The following RPN2 variants were observed in gnomAD, a reference collection of about 807,000 sequenced individuals.
RPN2 encodes the protein ribophorin II.
RPN2 carries 29 observed loss-of-function variants against 71.4 expected under a neutral mutation model. The ratio of observed to expected loss-of-function variants is 0.41; its 90% CI spans 0.30 to 0.55. The LOEUF (loss-of-function observed/expected upper bound fraction) is 0.55. Ranked by LOEUF, RPN2 falls within the 20% of genes least tolerant of loss-of-function variation. The pLI is 0.35. For missense variants in RPN2, 726 were observed against 774.1 expected (o/e 0.94, Z 0.74); for synonymous variants, 308 against 305.0 (o/e 1.01, Z -0.10).
At chr20:37,239,491 C>T (rs544784724) in intron 16 of RPN2, among the ~76,000 whole-genome samples, 4 of 152,316 alleles carry the variant, frequency 2.6e-5, no homozygotes, top group South Asian at 4.1e-4. Flanking sequence ...GAGAGATCAA[C>T]AAAAGCATAG....
chr20:37,196,291 C>T (rs1215375150), intron 2 of RPN2, among the ~76,000 whole-genome samples: 2 of 152,008 alleles, frequency 1.3e-5, no homozygotes, highest in Admixed American at 6.5e-5. Context: ...TGCAGTGGCA[C>T]GATCTTGGCT....
intron 11 of RPN2, among the ~76,000 whole-genome samples, 164 bp from the exon 12 acceptor site, chr20:37,228,386 G>A (rs993125044): frequency 1.3e-5 from 2 of 152,150 alleles, no homozygotes; most frequent in African/African-American, 2.4e-5. Context: ...GGGAACTAGG[G>A]TGGCATGGCC....
intron 9 of RPN2, among the ~76,000 whole-genome samples, chr20:37,214,068 ATTTTC>A (rs778542156): frequency 5.0e-4 from 76 of 152,230 alleles, no homozygotes; most frequent in Non-Finnish European, 9.0e-4. Flanking sequence ...GTCATAGTGA[ATTTTC>A]TTTTATTTGT....
At chr20:37,210,288 T>C in intron 8 of RPN2, 123 bp downstream of exon 8, 1 of 1,539,456 alleles carries the variant, frequency 6.5e-7, no homozygotes, top group Non-Finnish European at 8.8e-7. Context: ...ATCGAAAGCC[T>C]ACAGTCGAAT....
chr20:37,220,311 T>G (rs1027093119), intron 9 of RPN2, among the ~76,000 whole-genome samples: 1 of 152,156 alleles, frequency 6.6e-6, no homozygotes, highest in Non-Finnish European at 1.5e-5. Flanking sequence ...GGTCATTGGG[T>G]CCTGTTTGTC....
In RPN2 at chr20:37,191,374, G is replaced by GAA. The variant is rs1482126671; in HGVS notation, c.207+7001_207+7002insAA. Among the ~76,000 whole-genome samples the GAA allele has an allele frequency of 3.4e-5, 5 of 148,840 alleles. No individual in the cohort carries two copies. The East Asian group carries it at 1.0e-3, about 30-fold the overall frequency. ...GCCTGTAATCCCAGCTACTCGGGAGGCCGAGGCAGGAGAATTGCTTGAACC... is the reference window on the plus strand; with the variant it reads ...GCCTGTAATCCCAGCTACTCGGGAGGAACCGAGGCAGGAGAATTGCTTGAACC... On this transcript the variant is annotated intron_variant, in intron 2 of 16. Coordinates refer to ENST00000237530, the MANE Select transcript of RPN2 (RefSeq NM_002951.5).
At chr20:37,194,835 CA>C (rs2067221376) in intron 2 of RPN2, among the ~76,000 whole-genome samples, 1 of 152,084 alleles carries the variant, frequency 6.6e-6, no homozygotes, top group South Asian at 2.1e-4. Context: ...CAGCACATCA[CA>C]GTAACAAAGT....
At chr20:37,203,812 T>A in intron 4 of RPN2, 73 bp from the exon 5 acceptor site, 1 of 1,039,400 alleles carries the variant, frequency 9.6e-7, no homozygotes, top group Non-Finnish European at 1.5e-6. Flanking sequence ...TGTGAAAGTG[T>A]CCAAGTACGG....
At chr20:37,218,340 GA>G (rs142195690) in intron 9 of RPN2, among the ~76,000 whole-genome samples, 2 of 151,806 alleles carry the variant, frequency 1.3e-5, no homozygotes, top group African/African-American at 2.4e-5. Flanking sequence ...TTGAGCCCAG[GA>G]GTTTGAGGCT....
At chr20:37,230,263 CAG>C (rs1234037043) in intron 13 of RPN2, among the ~76,000 whole-genome samples, 1 of 152,232 alleles carries the variant, frequency 6.6e-6, no homozygotes, top group Non-Finnish European at 1.5e-5. Context: ...CCCCAGAAAG[CAG>C]AGAGTTGAAG....
chr20:37,200,633 C>G (rs1258233557), intron 4 of RPN2: 1 of 393,510 alleles, frequency 2.5e-6, no homozygotes, highest in Non-Finnish European at 5.3e-6. Context: ...AGGCAATTGA[C>G]ATTCCCTCTC....
At chr20:37,220,809 T>C (rs1366808326) in intron 9 of RPN2, among the ~76,000 whole-genome samples, 1 of 152,228 alleles carries the variant, frequency 6.6e-6, no homozygotes, top group Non-Finnish European at 1.5e-5. Context: ...ATGCTTTGCT[T>C]TTGAGTGTTT....
At position 37,184,250 on chromosome 20, in the gene RPN2, C is replaced by T. The variant is rs749717040; in HGVS notation, c.84C>T (p.Tyr28=). ...ASTWALTPTH[Y]LTKHDVERLK... ...CCTGGGCTCTGACGCCCACTCACTACCTCACCAAGCATGACGTGGAGAGAC... is the reference window on the plus strand; with the variant it reads ...CCTGGGCTCTGACGCCCACTCACTATCTCACCAAGCATGACGTGGAGAGAC... The change falls in exon 2 of 17, where the codon TAC becomes TAT. Residue 28 remains tyrosine, a synonymous_variant. Coordinates refer to ENST00000237530, the MANE Select transcript of RPN2 (RefSeq NM_002951.5). 22 of 1,614,200 alleles carry T rather than the reference C, an allele frequency of 1.4e-5. No homozygotes were observed. Among genetic ancestry groups the T allele is most frequent in the Non-Finnish European group, 1.9e-5 (22 of 1,180,038 alleles).
At chr20:37,213,108 C>T (rs1483037671) in intron 8 of RPN2, among the ~76,000 whole-genome samples, 1 of 152,116 alleles carries the variant, frequency 6.6e-6, no homozygotes, top group Non-Finnish European at 1.5e-5. Flanking sequence ...TACTATCGTA[C>T]ACCAACCTCT....
chr20:37,182,295 T>C (rs1016823364), intron 1 of RPN2, among the ~76,000 whole-genome samples: 5 of 152,012 alleles, frequency 3.3e-5, no homozygotes, highest in Non-Finnish European at 7.4e-5. Context: ...GGTTTCACCA[T>C]GTTGGCCAGG....
rs1206571319 is a variant in RPN2, at chr20:37,179,335, C to G, written c.-22C>G. On this transcript the variant is annotated 5_prime_UTR_variant, in exon 1 of 17. Coordinates refer to ENST00000237530, the MANE Select transcript of RPN2 (RefSeq NM_002951.5). ...CGGAAGTCAGCCCGCGGCTCGGACT[C>G]CGGCGGGACCTGCTCGGAGGAATGG... The G allele has an allele frequency of 6.5e-7, 1 of 1,534,798 alleles. No homozygotes were observed. Among genetic ancestry groups the G allele is most frequent in the African/African-American group, 1.4e-5 (1 of 72,932 alleles).
rs571010809 is a variant in RPN2 at position 37,184,069 on chromosome 20, C to T, written c.14-111C>T. ...CTCAGGTTAAACCCCTGGATTCCCT[C>T]GCCCTTCCCCATGTGATTTGGTTCC... is the stretch of plus-strand genomic sequence containing the variant. On this transcript the variant is annotated intron_variant, in intron 1 of 16. Transcript: ENST00000237530. 2.8e-4 allele frequency: 371 copies of T among 1,309,530 alleles called. 1 individual carries two copies. Among genetic ancestry groups the T allele is most frequent in the Non-Finnish European group, 3.7e-4 (335 of 907,112 alleles). 81.1% of individuals were successfully genotyped at this position (1,309,530 alleles called of 1,614,324 possible).
At chr20:37,194,799 G>T (rs2067220356) in intron 2 of RPN2, among the ~76,000 whole-genome samples, 1 of 152,130 alleles carries the variant, frequency 6.6e-6, no homozygotes, top group Non-Finnish European at 1.5e-5. Flanking sequence ...GGTCTGGCGT[G>T]GGGCCCCAGC....
intron 2 of RPN2, among the ~76,000 whole-genome samples, chr20:37,193,379 T>C (rs2067188604): frequency 6.6e-6 from 1 of 151,944 alleles, no homozygotes; most frequent in Non-Finnish European, 1.5e-5. Context: ...AAACAGCCTG[T>C]GCGGAGGATA....
Sources: gnomAD v4.1 joint callset for allele counts (sites outside exome capture counted in the v4.1 genomes callset) on GRCh38, gnomAD v4.1.1 for gene constraint, MANE v1.5 for transcripts, NCBI Gene and HGNC (gene_info 2026-07-23, HGNC 2026-07-21) for gene names.